The following ARHGAP10 variants were observed in gnomAD, a reference collection of about 807,000 sequenced individuals.
ARHGAP10 encodes rho GTPase-activating protein 10.
A neutral mutation model predicts 108.6 loss-of-function variants in ARHGAP10; 87 were observed. That is an observed-to-expected ratio of 0.80 (90% CI 0.67 to 0.96). ARHGAP10 has a LOEUF of 0.96. Ranked by LOEUF, ARHGAP10 falls within the 40% of genes least tolerant of loss-of-function variation. The probability of loss-of-function intolerance (pLI) is 0.00; values close to 1 mark genes in which losing one functional copy is unlikely to be tolerated. For missense variants in ARHGAP10, 939 were observed against 954.5 expected (o/e 0.98, Z 0.21); for synonymous variants, 347 against 341.1 (o/e 1.02, Z -0.19).
chr4:147,811,949 A>G (rs961613544), intron 1 of ARHGAP10, among the ~76,000 whole-genome samples: 6 of 152,222 alleles, frequency 3.9e-5, no homozygotes, highest in African/African-American at 1.4e-4. Context: ...TACCTGTGTT[A>G]GCTTGGTGCC....
chr4:147,849,417 A>G (rs1324707318), intron 4 of ARHGAP10, among the ~76,000 whole-genome samples: 1 of 152,206 alleles, frequency 6.6e-6, no homozygotes, highest in Non-Finnish European at 1.5e-5. Flanking sequence ...TGTCAAGCAC[A>G]CAGTCTTGTT....
At chr4:148,070,303 C>T (rs1038150153) in intron 22 of ARHGAP10, among the ~76,000 whole-genome samples, 17 of 152,174 alleles carry the variant, frequency 1.1e-4, no homozygotes, top group African/African-American at 4.1e-4. Context: ...TGAGTAGGTG[C>T]TGTCCAGGCA....
intron 14 of ARHGAP10, among the ~76,000 whole-genome samples, chr4:147,943,827 G>A (rs556871742): frequency 6.6e-6 from 1 of 152,208 alleles, no homozygotes; most frequent in South Asian, 2.1e-4. Flanking sequence ...GGACTGCTAG[G>A]GATGATTGAG....
chr4:147,737,309 C>T (rs1728458081), intron 1 of ARHGAP10, among the ~76,000 whole-genome samples: 1 of 151,446 alleles, frequency 6.6e-6, no homozygotes, highest in Non-Finnish European at 1.5e-5. Flanking sequence ...CGCCACCATG[C>T]CCAGCTAATT....
intron 19 of ARHGAP10, among the ~76,000 whole-genome samples, chr4:148,030,359 C>T (rs1285416724): frequency 1.3e-5 from 2 of 152,204 alleles, no homozygotes; most frequent in Non-Finnish European, 2.9e-5. Context: ...TAGGAGGTAG[C>T]TGGGCTGTCT....
intron 1 of ARHGAP10, among the ~76,000 whole-genome samples, chr4:147,769,559 A>G (rs528026586): frequency 3.9e-5 from 6 of 152,168 alleles, no homozygotes; most frequent in Non-Finnish European, 5.9e-5. Flanking sequence ...TATGTTAACA[A>G]GTTCTTTCTA....
chr4:147,983,354 T>G (rs1232366965), intron 18 of ARHGAP10, among the ~76,000 whole-genome samples: 2 of 151,800 alleles, frequency 1.3e-5, no homozygotes, highest in East Asian at 3.9e-4. Flanking sequence ...CCCAGCTAAT[T>G]TTTTGTATTT....
chr4:148,030,561 C>T (rs1728101809), intron 19 of ARHGAP10, among the ~76,000 whole-genome samples: 1 of 152,112 alleles, frequency 6.6e-6, no homozygotes, highest in African/African-American at 2.4e-5. Flanking sequence ...ACTCTATGGC[C>T]CATGATTAAA....
chr4:147,875,973 C>T (rs1373224810), intron 8 of ARHGAP10, among the ~76,000 whole-genome samples: 1 of 152,192 alleles, frequency 6.6e-6, no homozygotes, highest in African/African-American at 2.4e-5. Context: ...CCCTCCCTCT[C>T]CACCCTTAAC....
At chr4:147,969,192 T>C (rs981406374) in intron 18 of ARHGAP10, among the ~76,000 whole-genome samples, 1 of 152,242 alleles carries the variant, frequency 6.6e-6, no homozygotes, top group African/African-American at 2.4e-5. Flanking sequence ...ATTGGCTGTT[T>C]GCTGGAGCAG....
At position 147,857,796 on chromosome 4, in the gene ARHGAP10, A is replaced by C. The variant is rs994150238; in HGVS notation, c.486+142A>C. 4.3e-6 allele frequency: 3 copies of C among 701,842 alleles called. No individual in the cohort carries two copies. In the African/African-American group the frequency reaches 5.6e-5, roughly 13 times the overall value. 43.5% of individuals were successfully genotyped at this position (701,842 alleles called of 1,614,324 possible). A position where few individuals can be genotyped will look rare whatever the true frequency, so the allele number is the denominator to read the frequency against. ...AGTGAACAGGTATTGTCATAAATTA[A>C]GAAAAAAGTCCTTGTGAAACAAGAA... On this transcript the variant is annotated intron_variant, in intron 5 of 22. Coordinates refer to ENST00000336498, the MANE Select transcript of ARHGAP10 (RefSeq NM_024605.4).
chr4:148,001,789 C>T (rs1740730904), intron 18 of ARHGAP10, among the ~76,000 whole-genome samples: 2 of 152,198 alleles, frequency 1.3e-5, no homozygotes, highest in South Asian at 4.1e-4. Context: ...GCTGAAGTTG[C>T]TTACCAGCTT....
intron 7 of ARHGAP10, among the ~76,000 whole-genome samples, chr4:147,869,712 T>A (rs1418778584): frequency 6.6e-6 from 1 of 152,130 alleles, no homozygotes; most frequent in Admixed American, 6.6e-5. Flanking sequence ...TAATAAACAC[T>A]CTTACAACTC....
chr4:147,976,270 T>C (rs536227763), intron 18 of ARHGAP10, among the ~76,000 whole-genome samples: 1 of 152,350 alleles, frequency 6.6e-6, no homozygotes, highest in Admixed American at 6.5e-5. Flanking sequence ...CTTCTTGATT[T>C]AGCTTTGCTG....
At chr4:147,877,560 CT>C (rs1299887152) in intron 8 of ARHGAP10, among the ~76,000 whole-genome samples, 2 of 152,078 alleles carry the variant, frequency 1.3e-5, no homozygotes, top group African/African-American at 2.4e-5. Context: ...ATGTTAATTG[CT>C]TTTTTAAAAG....
chr4:147,824,751 T>A (rs904270049), intron 3 of ARHGAP10, among the ~76,000 whole-genome samples: 1 of 151,874 alleles, frequency 6.6e-6, no homozygotes, highest in African/African-American at 2.4e-5. Context: ...GCCACCCCCA[T>A]GATCCAATTA....
At chr4:147,951,544 A>G (rs995296130) in intron 15 of ARHGAP10, among the ~76,000 whole-genome samples, 3 of 151,902 alleles carry the variant, frequency 2.0e-5, no homozygotes, top group African/African-American at 7.3e-5. Flanking sequence ...TGTATATACT[A>G]TAGCATCGTA....
chr4:147,921,082 A>G (rs140222992), intron 13 of ARHGAP10, among the ~76,000 whole-genome samples: 317 of 152,344 alleles, frequency 2.1e-3, no homozygotes, highest in African/African-American at 7.3e-3. Context: ...TCTGCTTAGG[A>G]TGCAGTATTT....
chr4:147,925,031 T>C (rs1442445744), intron 13 of ARHGAP10, among the ~76,000 whole-genome samples: 2 of 152,198 alleles, frequency 1.3e-5, no homozygotes, highest in Non-Finnish European at 2.9e-5. Flanking sequence ...ATTCACTTTA[T>C]CTGTTAATTT....
Sources: allele counts gnomAD v4.1 joint callset (sites outside exome capture counted in the v4.1 genomes callset), GRCh38; gene constraint gnomAD v4.1.1; transcripts MANE v1.5; gene names NCBI Gene and HGNC (gene_info 2026-07-23, HGNC 2026-07-21).